CLCN1: variants seen among roughly 807,000 people sequenced by gnomAD.
CLCN1 encodes chloride channel protein 1.
CLCN1 carries 100 observed loss-of-function variants against 114.5 expected under a neutral mutation model. The ratio of observed to expected loss-of-function variants is 0.87; its 90% CI spans 0.74 to 1.03. CLCN1 has a LOEUF of 1.03. CLCN1 is among the 50% of genes least tolerant of loss of function. The pLI is 0.00. For synonymous variants in CLCN1, 485 were observed against 487.1 expected (o/e 1.00, Z 0.06); for missense variants, 1,188 against 1,250.0 (o/e 0.95, Z 0.75).
chr7:143,319,972 C>T (rs1236913635), intron 2 of CLCN1, 97 bp downstream of exon 2: 2 of 1,304,634 alleles, frequency 1.5e-6, no homozygotes, highest in Non-Finnish European at 2.2e-6. Context: ...GTACTCCCTG[C>T]CCTGCTACAA....
At chr7:143,342,624 C>G (rs73172427) in intron 16 of CLCN1, 119 bp downstream of exon 16, 11,696 of 1,006,540 alleles carry the variant, frequency 0.012, 102 homozygotes, top group Non-Finnish European at 0.013. Context: ...GTGCTATGTA[C>G]AAGGAAGGAA....
intron 15 of CLCN1, 95 bp downstream of exon 15, chr7:143,342,237 T>C (rs1563084891): frequency 1.3e-6 from 2 of 1,487,344 alleles, no homozygotes; most frequent in Non-Finnish European, 1.9e-6. Context: ...TTGGAAACAC[T>C]GTTTTAAATT....
At chr7:143,318,614 C>A (rs1802350006) in intron 1 of CLCN1, among the ~76,000 whole-genome samples, 1 of 152,174 alleles carries the variant, frequency 6.6e-6, no homozygotes, top group South Asian at 2.1e-4. Flanking sequence ...CTCACCCTGC[C>A]CTGCATGGGA....
intron 17 of CLCN1, 48 bp downstream of exon 17, chr7:143,345,810 G>C: frequency 1.3e-6 from 2 of 1,596,938 alleles, no homozygotes; most frequent in South Asian, 2.2e-5. Flanking sequence ...CAGGAGCAAA[G>C]GGAAAAGCGT....
At position 143,323,532 on chromosome 7, in the gene CLCN1, T is replaced by C. The variant is rs2272257; in HGVS notation, c.774+146T>C. 152,019 of 725,332 alleles carry C rather than the reference T, an allele frequency of 0.21. 17,177 individuals are homozygous for C. The highest frequency in any genetic ancestry group is 0.29 in the Middle Eastern group (1,241 of 4,348). The allele number at this position is 725,332 out of a possible 1,614,324, so 44.9% of individuals were successfully genotyped here. On this transcript the variant is annotated intron_variant, in intron 6 of 22. Coordinates refer to ENST00000343257, the MANE Select transcript of CLCN1 (RefSeq NM_000083.3). ...ACTAATCCACGCTCCCTTCCTCGTC[T>C]CCCTGTCTGCCTACCCTGGCCACGT...
At chr7:143,320,991 C>T (rs1802414978) in intron 3 of CLCN1, among the ~76,000 whole-genome samples, 196 bp downstream of exon 3, 1 of 152,192 alleles carries the variant, frequency 6.6e-6, no homozygotes, top group Admixed American at 6.5e-5. Flanking sequence ...CCCCTCCACT[C>T]ACTGCCACCC....
chr7:143,339,406 G>A lies in CLCN1; in HGVS notation c.1471+84G>A. 1 of 1,381,766 alleles carries A rather than the reference G, an allele frequency of 7.2e-7. No homozygotes were observed. The highest frequency in any genetic ancestry group is 1.0e-6 in the Non-Finnish European group (1 of 968,412). The allele number at this position is 1,381,766 out of a possible 1,614,324, so 85.6% of individuals were successfully genotyped here. Reference sequence around the variant, plus strand: ...ACATAAGGAAAGGCCCGGGATGCTGGGAGTTTATATTTGTTCTTAATGCCC... The same window carrying A: ...ACATAAGGAAAGGCCCGGGATGCTGAGAGTTTATATTTGTTCTTAATGCCC... On this transcript the variant is annotated intron_variant, in intron 13 of 22. Coordinates refer to ENST00000343257, the MANE Select transcript of CLCN1 (RefSeq NM_000083.3). This position sits in a 1 kb window ranked among gnomAD's most constrained non-coding sequence, Gnocchi z 4.1.
rs773153574 is a variant in CLCN1 at position 143,339,318 on chromosome 7, G to A, written c.1467G>A (p.Val489=). ...GCGGAGGCTTCATGCCTGTGTTTGT[G>A]CTAGGTAAGTTCTGATGGGAAGCCT... is the stretch of plus-strand genomic sequence containing the variant. ...IPCGGFMPVF[V]LGAAFGRLVG... The change falls in exon 13 of 23, where the codon GTG becomes GTA. Residue 489 remains valine, a synonymous_variant. Transcript: ENST00000343257. The surrounding 1 kb of genome is among the most constrained non-coding windows in gnomAD (Gnocchi z 4.1). 87 of 1,611,690 alleles carry A rather than the reference G, an allele frequency of 5.4e-5. 1 individual carries two copies. The highest frequency in any genetic ancestry group is 7.0e-5 in the Non-Finnish European group (83 of 1,177,860).
chr7:143,347,273 A>T (rs1803272281), intron 20 of CLCN1, among the ~76,000 whole-genome samples: 1 of 152,164 alleles, frequency 6.6e-6, no homozygotes. Context: ...AATGGAGGTA[A>T]AATGGCACCA....
chr7:143,322,231 C>A (rs986703592), intron 5 of CLCN1, among the ~76,000 whole-genome samples: 2 of 152,200 alleles, frequency 1.3e-5, no homozygotes, highest in African/African-American at 4.8e-5. Flanking sequence ...GCCATATGGA[C>A]CCTGGAGGAC....
chr7:143,338,147 T>G (rs1030528598), intron 12 of CLCN1, among the ~76,000 whole-genome samples: 7 of 152,080 alleles, frequency 4.6e-5, no homozygotes, highest in Non-Finnish European at 8.8e-5. Flanking sequence ...CCCGGACAAT[T>G]CTTTTGTACT....
chr7:143,343,020 C>G (rs1332887192), intron 16 of CLCN1, among the ~76,000 whole-genome samples: 1 of 152,120 alleles, frequency 6.6e-6, no homozygotes, highest in Non-Finnish European at 1.5e-5. Flanking sequence ...AAATACTATA[C>G]TGAATAATTG....
chr7:143,342,216 A>G (rs1803099257), intron 15 of CLCN1, 74 bp downstream of exon 15: 2 of 1,532,332 alleles, frequency 1.3e-6, no homozygotes, highest in Non-Finnish European at 1.8e-6. Flanking sequence ...GACTGAGCTT[A>G]GAGTTAAAGT....
At chr7:143,323,748 C>T (rs1234684459) in intron 6 of CLCN1, 2 of 493,242 alleles carry the variant, frequency 4.1e-6, no homozygotes, top group Non-Finnish European at 8.3e-6. Context: ...CAATCCCTCA[C>T]CCTACCTCTT....
In CLCN1 at chr7:143,339,354, T is replaced by TGAG. The variant is rs1803015343; in HGVS notation, c.1471+33_1471+35dup. The TGAG allele has an allele frequency of 6.5e-7, 1 of 1,542,180 alleles. No individual in the cohort carries two copies. Among genetic ancestry groups the TGAG allele is most frequent in the Non-Finnish European group, 9.0e-7 (1 of 1,114,642 alleles). ...TCTGATGGGAAGCCTGGGGTCTGAC[T>TGAG]GAGAGTTGCAATCTAGGATACAGGA... On this transcript the variant is annotated intron_variant, in intron 13 of 22. Transcript: ENST00000343257. The surrounding 1 kb of genome is among the most constrained non-coding windows in gnomAD (Gnocchi z 4.1).
Position 143,332,498 on chromosome 7 carries a change from G to A in CLCN1, c.1246G>A (p.Gly416Arg), listed in dbSNP as rs777400211. The A allele has an allele frequency of 6.2e-7, 1 of 1,613,040 alleles. No homozygotes were observed. The highest frequency in any genetic ancestry group is 1.1e-5 in the South Asian group (1 of 91,062). The stretch of plus-strand genomic sequence containing the variant: ...ACCAGGAATGGGTCAATTCATGGCT[G>A]GAGAGGTCAGCTGTTGGTGGGGCCA... Reference protein sequence around the residue: ...FPPGMGQFMAGELMPREAIST... With the variant: ...FPPGMGQFMARELMPREAIST... Residue 416 changes from glycine (G) to arginine (R), a missense_variant, in exon 11 of 23, where the codon GGA (glycine) becomes AGA (arginine). Gly to Arg is a moderately radical substitution (Grantham distance 125). Coordinates refer to ENST00000343257, the MANE Select transcript of CLCN1 (RefSeq NM_000083.3).
Position 143,341,917 on chromosome 7 carries a change from G to A in CLCN1, c.1583-12G>A, listed in dbSNP as rs374736253. ...AGCCCTAACCTACAGGCGTATTCCT[G>A]TGTCATTCTAGGAGCAGCAGCGCTG... On this transcript the variant is annotated splice_polypyrimidine_tract_variant and intron_variant, in intron 14 of 22. Coordinates refer to ENST00000343257, the MANE Select transcript of CLCN1 (RefSeq NM_000083.3). 2.7e-5 allele frequency: 44 copies of A among 1,610,424 alleles called. No homozygotes were observed. The African/African-American group carries it at 5.9e-4, about 22-fold the overall frequency.
At chr7:143,333,015 T>C (rs910458314) in intron 12 of CLCN1, 142 bp downstream of exon 12, 2 of 1,005,572 alleles carry the variant, frequency 2.0e-6, no homozygotes, top group African/African-American at 3.1e-5. Flanking sequence ...AACCATAGAG[T>C]TGGCCAGGCA....
chr7:143,339,484 C>T lies in CLCN1; in HGVS notation c.1472-27C>T. Reference sequence around the variant, plus strand: ...AGCAAGGAACTTGGATCTCGTAACACCTTCCTTCCTTTTATCTTCCCTCTA... The same window carrying T: ...AGCAAGGAACTTGGATCTCGTAACATCTTCCTTCCTTTTATCTTCCCTCTA... On this transcript the variant is annotated intron_variant, in intron 13 of 22. Transcript: ENST00000343257. The surrounding 1 kb of genome is among the most constrained non-coding windows in gnomAD (Gnocchi z 4.1). 6.4e-7 allele frequency: 1 copy of T among 1,559,314 alleles called. No individual in the cohort carries two copies. The highest frequency in any genetic ancestry group is 1.1e-5 in the South Asian group (1 of 89,976).
Sources: gnomAD v4.1 joint callset for allele counts (sites outside exome capture counted in the v4.1 genomes callset) on GRCh38, gnomAD v4.1.1 for gene constraint, Gnocchi (gnomAD v3.1) non-coding constraint, MANE v1.5 for transcripts, NCBI Gene and HGNC (gene_info 2026-07-23, HGNC 2026-07-21) for gene names.